The following SLC25A43 variants were observed in gnomAD, a reference collection of about 807,000 sequenced individuals.
SLC25A43 encodes the protein solute carrier family 25, member 43.
In SLC25A43, 10 loss-of-function variants were observed where a neutral mutation model predicts 22.8. The observed-to-expected ratio is 0.44, with a 90% CI of 0.27 to 0.74. SLC25A43 has a LOEUF of 0.74. Among genes scored for constraint, SLC25A43 ranks in the 30% least tolerant of loss-of-function variants. The pLI is 0.17. For missense variants in SLC25A43, 233 were observed against 279.1 expected, an observed-to-expected ratio of 0.83 and a Z score of 1.18; for synonymous variants, 106 against 121.6, an observed-to-expected ratio of 0.87 and a Z score of 0.84.
intron 2 of SLC25A43, among the ~76,000 whole-genome samples, chrX:119,408,603 A>G (rs1307862109): frequency 8.9e-6 from 1 of 112,317 alleles, no homozygotes; most frequent in Non-Finnish European, 1.9e-5. Flanking sequence ...GAATGAAGGT[A>G]AATGGAAGGT....
At chrX:119,410,391 G>A (rs777926743) in intron 3 of SLC25A43, 29 bp downstream of exon 3, 2 of 1,200,390 alleles carry the variant, frequency 1.7e-6, no homozygotes, top group South Asian at 3.5e-5. Flanking sequence ...GGGGTAGGGG[G>A]TGGAATGCTT....
At chrX:119,418,916 C>A (rs217991) in intron 3 of SLC25A43, among the ~76,000 whole-genome samples, 1 of 111,024 alleles carries the variant, frequency 9.0e-6, no homozygotes, top group Admixed American at 9.5e-5. Flanking sequence ...GTCTATCTCC[C>A]ACACCTAGCC....
intron 3 of SLC25A43, among the ~76,000 whole-genome samples, chrX:119,445,038 CAAAAAAAA>C (rs780253357): frequency 0.018 from 640 of 35,570 alleles, 1 homozygote; most frequent in African/African-American, 0.033. Context: ...ACCCTGTCTC[CAAAAAAAA>C]AAAAAAAAAA....
intron 1 of SLC25A43, among the ~76,000 whole-genome samples, chrX:119,401,506 G>GA (rs981131816): frequency 9.0e-6 from 1 of 111,149 alleles, no homozygotes; most frequent in South Asian, 3.8e-4. Flanking sequence ...TCATAGAGGA[G>GA]AAAAAAATTT....
intron 3 of SLC25A43, among the ~76,000 whole-genome samples, chrX:119,447,690 C>T (rs974673373): frequency 3.6e-5 from 4 of 110,932 alleles, no homozygotes; most frequent in African/African-American, 1.3e-4. Context: ...TTACTGGGCC[C>T]TCAGCAGCTC....
intron 1 of SLC25A43, among the ~76,000 whole-genome samples, chrX:119,403,037 T>C (rs2052252068): frequency 9.0e-6 from 1 of 111,682 alleles, no homozygotes; most frequent in Non-Finnish European, 1.9e-5. Context: ...CTGTTTCCTC[T>C]CCGCTTGCCC....
chrX:119,424,451 T>C (rs929886152), intron 3 of SLC25A43, among the ~76,000 whole-genome samples: 1 of 108,997 alleles, frequency 9.2e-6, no homozygotes, highest in Admixed American at 9.9e-5. Context: ...AACCTATGTC[T>C]CTCCTTCCTC....
At chrX:119,452,253 C>A (rs1023090057) in intron 4 of SLC25A43, 110 bp downstream of exon 4, 3 of 904,972 alleles carry the variant, frequency 3.3e-6, no homozygotes, top group East Asian at 6.6e-5. Context: ...CCCTCTAGCA[C>A]TAATGGGTAG....
chrX:119,414,989 G>A (rs1415836143), intron 3 of SLC25A43, among the ~76,000 whole-genome samples: 6 of 91,614 alleles, frequency 6.5e-5, no homozygotes, highest in Non-Finnish European at 1.0e-4. Context: ...GCACCATCTC[G>A]GCTCACTGCA....
At chrX:119,435,172 G>A (rs988644387) in intron 3 of SLC25A43, among the ~76,000 whole-genome samples, 3 of 110,708 alleles carry the variant, frequency 2.7e-5, no homozygotes, top group Admixed American at 9.7e-5. Context: ...GAAAAAAATC[G>A]GTGGGCAGAG....
intron 1 of SLC25A43, among the ~76,000 whole-genome samples, chrX:119,401,905 AGAG>A (rs1355569446): frequency 9.0e-6 from 1 of 110,936 alleles, no homozygotes; most frequent in South Asian, 3.8e-4. Context: ...ATGGGAGCAG[AGAG>A]GAGGAGATGT....
chrX:119,442,261 T>C (rs1427015827), intron 3 of SLC25A43, among the ~76,000 whole-genome samples: 1 of 112,046 alleles, frequency 8.9e-6, no homozygotes, highest in Non-Finnish European at 1.9e-5. Context: ...AGACTGGATA[T>C]AGATGGACCT....
chrX:119,434,776 G>A (rs1296659480), intron 3 of SLC25A43: 1 of 107,076 alleles, frequency 9.3e-6, no homozygotes, highest in Non-Finnish European at 1.9e-5. Context: ...TGAATAGCCT[G>A]TGTTGCCCAC....
intron 3 of SLC25A43, among the ~76,000 whole-genome samples, chrX:119,444,768 C>G (rs2052651845): frequency 9.2e-6 from 1 of 108,563 alleles, no homozygotes; most frequent in Admixed American, 9.9e-5. Context: ...GGTGCAGTGG[C>G]TCACGCCTGT....
At chrX:119,448,430 G>A (rs374236143) in intron 3 of SLC25A43, among the ~76,000 whole-genome samples, 3 of 111,407 alleles carry the variant, frequency 2.7e-5, no homozygotes, top group Non-Finnish European at 3.8e-5. Context: ...AATTCTTACT[G>A]TGTGCCCTAC....
chrX:119,447,840 TCTC>T (rs749919824), intron 3 of SLC25A43, among the ~76,000 whole-genome samples: 7 of 110,566 alleles, frequency 6.3e-5, no homozygotes, highest in East Asian at 2.8e-4. Flanking sequence ...CCCTAAGTGA[TCTC>T]ATCTGGTCTC....
chrX:119,426,311 C>G, intron 3 of SLC25A43: 1 of 644,264 alleles, frequency 1.6e-6, no homozygotes, highest in Non-Finnish European at 1.9e-6. Flanking sequence ...CTTGTGTACA[C>G]CACATAACCC....
At chrX:119,402,872 A>G (rs1439584365) in intron 1 of SLC25A43, among the ~76,000 whole-genome samples, 2 of 107,013 alleles carry the variant, frequency 1.9e-5, no homozygotes, top group Non-Finnish European at 3.9e-5. Context: ...GATAGGACTT[A>G]TCTCTGTATC....
chrX:119,425,168 G>A (rs1017617993), intron 3 of SLC25A43, among the ~76,000 whole-genome samples: 4 of 112,090 alleles, frequency 3.6e-5, no homozygotes, highest in African/African-American at 6.5e-5. Flanking sequence ...TTGAGAAGCC[G>A]TAATGAGCAG....
Sources: allele counts gnomAD v4.1 joint callset (sites outside exome capture counted in the v4.1 genomes callset), GRCh38; gene constraint gnomAD v4.1.1; transcripts MANE v1.5; gene names NCBI Gene and HGNC (gene_info 2026-07-23, HGNC 2026-07-21).